Variants in HS1BP3 observed in about 807,000 individuals in gnomAD.
HS1BP3 encodes the protein HCLS1-binding protein 3.
Under a neutral mutation model 33.5 loss-of-function variants are expected in HS1BP3, and 32 were observed. The ratio of observed to expected loss-of-function variants is 0.95; its 90% CI spans 0.72 to 1.28. The LOEUF (loss-of-function observed/expected upper bound fraction) is 1.28. HS1BP3 is among the 50% of genes most tolerant of loss of function. HS1BP3 has a pLI of 0.00. For missense variants in HS1BP3, 486 were observed against 502.3 expected (o/e 0.97, Z 0.31); for synonymous variants, 187 against 209.2 (o/e 0.89, Z 0.92).
intron 3 of HS1BP3, among the ~76,000 whole-genome samples, chr2:20,597,018 G>C (rs142747031): frequency 6.6e-6 from 1 of 152,234 alleles, no homozygotes; most frequent in South Asian, 2.1e-4. Context: ...AAAGGCCTGA[G>C]CTGGAGTCAT....
intron 5 of HS1BP3, among the ~76,000 whole-genome samples, chr2:20,585,784 G>A (rs1341182048): frequency 6.6e-6 from 1 of 152,172 alleles, no homozygotes; most frequent in Non-Finnish European, 1.5e-5. Context: ...GCACAATACC[G>A]TTCGCTTGCA....
At chr2:20,591,465 C>A (rs752787944), downstream of HS1BP3, among the ~76,000 whole-genome samples, 10 of 152,196 alleles carry the variant, frequency 6.6e-5, no homozygotes, top group Admixed American at 2.6e-4. Context: ...AGCCCCAAGA[C>A]TTGGAAGTTT....
At chr2:20,571,737 C>A (rs1265306194) in intron 5 of HS1BP3, among the ~76,000 whole-genome samples, 1 of 152,234 alleles carries the variant, frequency 6.6e-6, no homozygotes, top group African/African-American at 2.4e-5. Context: ...GAGCTTCCCC[C>A]AGGAGTCTTT....
At chr2:20,608,499 G>A (rs964172471) in intron 2 of HS1BP3, among the ~76,000 whole-genome samples, 9 of 149,812 alleles carry the variant, frequency 6.0e-5, no homozygotes, top group South Asian at 2.1e-4. Context: ...TCTTGAACCC[G>A]GGAGGTGGAG....
At chr2:20,594,403 A>G (rs1054481509) in intron 3 of HS1BP3, among the ~76,000 whole-genome samples, 1 of 152,226 alleles carries the variant, frequency 6.6e-6, no homozygotes, top group African/African-American at 2.4e-5. Flanking sequence ...TTTTGAGCTT[A>G]CTTTGGTGCA....
chr2:20,575,763 C>T lies in HS1BP3; in HGVS notation c.303-15248G>A, dbSNP rs1411896418. Reference sequence around the variant, plus strand: ...ACGCCTCTGTCTCCTTGGTTCCACCCCCCCCCCCCCCTTCAGGCTACCCCA... The same window carrying T: ...ACGCCTCTGTCTCCTTGGTTCCACCTCCCCCCCCCCCTTCAGGCTACCCCA... On this transcript the variant is annotated intron_variant, in intron 5 of 5. Transcript: ENST00000446825. Among the ~76,000 whole-genome samples, 50 of 1,766 alleles carry T rather than the reference C, an allele frequency of 0.028. No homozygotes were observed. In the Middle Eastern group the frequency reaches 0.44, roughly 16 times the overall value. The allele number at this position is 1,766 out of a possible 152,430, so 1.2% of individuals were successfully genotyped here.
intron 2 of HS1BP3, 149 bp from the exon 3 acceptor site, chr2:20,641,329 C>T (rs536612791): frequency 6.0e-5 from 40 of 668,618 alleles, no homozygotes; most frequent in Middle Eastern, 3.2e-4. Flanking sequence ...CTCCCAGCCT[C>T]AGGCTCCAGT....
chr2:20,635,313 C>G (rs772215061), intron 4 of HS1BP3: 1 of 152,172 alleles, frequency 6.6e-6, no homozygotes, highest in East Asian at 1.9e-4. Context: ...TACAGCCCAT[C>G]GAGCTGAGAA....
At chr2:20,578,030 C>T (rs1259181188) in intron 5 of HS1BP3, among the ~76,000 whole-genome samples, 1 of 152,232 alleles carries the variant, frequency 6.6e-6, no homozygotes, top group Non-Finnish European at 1.5e-5. Flanking sequence ...GAGTAACGTG[C>T]CTGATGTCTC....
intron 3 of HS1BP3, among the ~76,000 whole-genome samples, chr2:20,596,586 G>T (rs1693948052): frequency 6.6e-6 from 1 of 152,206 alleles, no homozygotes; most frequent in African/African-American, 2.4e-5. Flanking sequence ...CTCCAGAACT[G>T]TGAGCTATAC....
At chr2:20,597,819 T>C (rs1288152149) in intron 3 of HS1BP3, among the ~76,000 whole-genome samples, 1 of 152,218 alleles carries the variant, frequency 6.6e-6, no homozygotes, top group Non-Finnish European at 1.5e-5. Context: ...GAAGACCTGC[T>C]TCCTGTTTCC....
At chr2:20,606,494 G>A (rs1383324957) in intron 2 of HS1BP3, 2 of 474,178 alleles carry the variant, frequency 4.2e-6, no homozygotes, top group Admixed American at 4.6e-5. Context: ...TTTGTCTTAG[G>A]TAGTTTTGTC....
At position 20,586,944 on chromosome 2, in the gene HS1BP3, C is replaced by T. The variant is rs528054328; in HGVS notation, c.303-26429G>A. Among the ~76,000 whole-genome samples the T allele has an allele frequency of 3.3e-5, 5 of 152,264 alleles. No homozygotes were observed. In the East Asian group the frequency reaches 5.8e-4, roughly 18 times the overall value. On this transcript the variant is annotated intron_variant, in intron 5 of 5. Transcript: ENST00000446825. Reference sequence around the variant, plus strand: ...GGTGTTACCATAAGCTGGTGTAGACCGTAACACCAGCCCTCTCAAACCTGG... The same window carrying T: ...GGTGTTACCATAAGCTGGTGTAGACTGTAACACCAGCCCTCTCAAACCTGG...
chr2:20,607,752 C>T (rs1474868456), intron 2 of HS1BP3, among the ~76,000 whole-genome samples: 1 of 152,156 alleles, frequency 6.6e-6, no homozygotes, highest in African/African-American at 2.4e-5. Flanking sequence ...TAATTCCATA[C>T]AAATTTTAGG....
At chr2:20,609,065 G>A (rs960154452) in intron 2 of HS1BP3, among the ~76,000 whole-genome samples, 1 of 152,210 alleles carries the variant, frequency 6.6e-6, no homozygotes, top group African/African-American at 2.4e-5. Context: ...GGCCTGATTG[G>A]CAGGAGCCCA....
intron 4 of HS1BP3, among the ~76,000 whole-genome samples, chr2:20,627,424 C>T (rs1694822174): frequency 6.6e-6 from 1 of 152,224 alleles, no homozygotes; most frequent in Admixed American, 6.5e-5. Context: ...GGAAGCGAGC[C>T]ATCTGAGGAA....
At chr2:20,584,244 C>A (rs1369997955) in intron 5 of HS1BP3, among the ~76,000 whole-genome samples, 1 of 152,190 alleles carries the variant, frequency 6.6e-6, no homozygotes, top group African/African-American at 2.4e-5. Flanking sequence ...GCTGGGGAGG[C>A]CAGTAGGCCA....
downstream of HS1BP3, among the ~76,000 whole-genome samples, chr2:20,614,974 G>A (rs1211271834): frequency 2.6e-5 from 4 of 152,210 alleles, no homozygotes; most frequent in East Asian, 1.9e-4. Context: ...TCTGTGTGTC[G>A]CAGCGCCAGG....
intron 2 of HS1BP3, among the ~76,000 whole-genome samples, chr2:20,600,025 G>A (rs898350069): frequency 6.6e-6 from 1 of 152,164 alleles, no homozygotes; most frequent in African/African-American, 2.4e-5. Flanking sequence ...GGGGACCCCT[G>A]GGGGCTCTTT....
Sources: allele counts gnomAD v4.1 joint callset (sites outside exome capture counted in the v4.1 genomes callset), GRCh38; gene constraint gnomAD v4.1.1; transcripts MANE v1.5; gene names NCBI Gene and HGNC (gene_info 2026-07-23, HGNC 2026-07-21).